BABAM2: variants seen among roughly 807,000 people sequenced by gnomAD.
BABAM2 encodes the protein BRISC and BRCA1 A complex member 2.
Under a neutral mutation model 54.7 loss-of-function variants are expected in BABAM2, and 31 were observed. That is an observed-to-expected ratio of 0.57 (90% CI 0.43 to 0.77). BABAM2 has a LOEUF of 0.77. Among genes scored for constraint, BABAM2 ranks in the 30% least tolerant of loss-of-function variants. The pLI, the probability that BABAM2 is intolerant of heterozygous loss-of-function variation, is 0.00. For missense variants in BABAM2, 364 were observed against 455.8 expected (o/e 0.80, Z 1.83); for synonymous variants, 167 against 162.9 (o/e 1.03, Z -0.19).
intron 7 of BABAM2, among the ~76,000 whole-genome samples, chr2:28,201,746 G>A (rs1429523151): frequency 1.3e-5 from 2 of 152,130 alleles, no homozygotes; most frequent in African/African-American, 2.4e-5. Context: ...ACAGCCTCTT[G>A]CCAGAGATTT....
intron 7 of BABAM2, 52 bp downstream of exon 7, chr2:28,129,432 T>A: frequency 7.0e-7 from 1 of 1,419,848 alleles, no homozygotes; most frequent in Non-Finnish European, 9.9e-7. Flanking sequence ...CTAACCAATA[T>A]GTCTCATTCT....
intron 8 of BABAM2, 133 bp from the exon 9 acceptor site, chr2:28,241,190 G>A (rs1682396475): frequency 2.5e-6 from 2 of 797,538 alleles, no homozygotes; most frequent in South Asian, 3.3e-5. Flanking sequence ...AGTCACAGTT[G>A]TTGAATGTAG....
At chr2:28,049,271 A>T (rs1233829753) in intron 6 of BABAM2, among the ~76,000 whole-genome samples, 2 of 152,236 alleles carry the variant, frequency 1.3e-5, no homozygotes, top group Non-Finnish European at 2.9e-5. Context: ...ATCCCACTGA[A>T]CTGGAGGGTT....
rs1669530572 is a variant in BABAM2 at position 27,949,290 on chromosome 2, T to G, written c.205+19382T>G. ...GCTTACGCCTGTAATCCCAGCACTT[T>G]GGGAGGCCGAGACAGGCGGATCACC... On this transcript the variant is annotated intron_variant, in intron 3 of 11. Coordinates refer to ENST00000379624, the MANE Select transcript of BABAM2 (RefSeq NM_199191.3). Among the ~76,000 whole-genome samples, 5 of 152,194 alleles carry G rather than the reference T, an allele frequency of 3.3e-5. No individual in the cohort carries two copies. In the South Asian group the frequency reaches 1.0e-3, roughly 32 times the overall value.
intron 11 of BABAM2, among the ~76,000 whole-genome samples, chr2:28,301,015 C>T (rs1264191027): frequency 6.6e-6 from 1 of 152,178 alleles, no homozygotes; most frequent in Non-Finnish European, 1.5e-5. Flanking sequence ...AAAGAACTGT[C>T]CTGCAGTATA....
chr2:28,039,105 A>G (rs540585711), intron 5 of BABAM2, among the ~76,000 whole-genome samples: 3 of 152,326 alleles, frequency 2.0e-5, no homozygotes, highest in African/African-American at 7.2e-5. Flanking sequence ...CCAAAAGGGC[A>G]GTGGTCCTGT....
chr2:28,009,306 G>A (rs1674218467), intron 4 of BABAM2, among the ~76,000 whole-genome samples: 1 of 152,152 alleles, frequency 6.6e-6, no homozygotes, highest in Admixed American at 6.6e-5. Context: ...AGCCAGTGTG[G>A]AAGCTAGGGT....
intron 2 of BABAM2, among the ~76,000 whole-genome samples, chr2:27,897,926 C>T (rs1665472892): frequency 6.6e-6 from 1 of 152,182 alleles, no homozygotes; most frequent in African/African-American, 2.4e-5. Context: ...GTTTCCCTCA[C>T]TGTAATTTTT....
At chr2:28,220,135 G>A (rs759563838) in intron 7 of BABAM2, among the ~76,000 whole-genome samples, 1 of 152,144 alleles carries the variant, frequency 6.6e-6, no homozygotes, top group African/African-American at 2.4e-5. Context: ...CGAACTGATT[G>A]TCGAAGCCCA....
At chr2:27,907,467 A>G (rs908213501) in intron 2 of BABAM2, among the ~76,000 whole-genome samples, 2 of 152,114 alleles carry the variant, frequency 1.3e-5, no homozygotes, top group Non-Finnish European at 2.9e-5. Context: ...TTTGTGATTC[A>G]GTAATTAACA....
intron 10 of BABAM2, among the ~76,000 whole-genome samples, chr2:28,274,141 A>G (rs1369092100): frequency 2.6e-5 from 4 of 152,104 alleles, no homozygotes; most frequent in Non-Finnish European, 5.9e-5. Flanking sequence ...GGCCTTCCCC[A>G]GTAGACAGGC....
intron 11 of BABAM2, among the ~76,000 whole-genome samples, chr2:28,321,581 T>G (rs1187014063): frequency 6.6e-6 from 1 of 152,180 alleles, no homozygotes; most frequent in Non-Finnish European, 1.5e-5. Flanking sequence ...GCGCAGGTTT[T>G]AGGAAAACAA....
chr2:28,257,898 C>T (rs1232307528), intron 10 of BABAM2, among the ~76,000 whole-genome samples: 2 of 151,310 alleles, frequency 1.3e-5, no homozygotes, highest in Admixed American at 6.6e-5. Flanking sequence ...GAAAAGAAGC[C>T]GGGCGTGGTG....
intron 7 of BABAM2, among the ~76,000 whole-genome samples, chr2:28,165,238 T>C (rs1360371003): frequency 6.6e-6 from 1 of 152,172 alleles, no homozygotes; most frequent in Non-Finnish European, 1.5e-5. Flanking sequence ...GTGAAGGGTG[T>C]AATTGGCTCT....
chr2:27,991,836 G>A (rs140983374), intron 4 of BABAM2, among the ~76,000 whole-genome samples: 24 of 152,250 alleles, frequency 1.6e-4, no homozygotes, highest in Admixed American at 2.6e-4. Flanking sequence ...TGTAACTACT[G>A]TTGTGTGGAT....
chr2:28,036,691 C>A (rs907531658), intron 5 of BABAM2, among the ~76,000 whole-genome samples: 1 of 152,128 alleles, frequency 6.6e-6, no homozygotes, highest in Non-Finnish European at 1.5e-5. Flanking sequence ...GAACTGAGGC[C>A]ATGCTATGTT....
intron 10 of BABAM2, among the ~76,000 whole-genome samples, chr2:28,254,728 A>ATTTTTTTTT: frequency 1.6e-5 from 2 of 122,402 alleles, no homozygotes; most frequent in Non-Finnish European, 3.4e-5. Flanking sequence ...TTTTTTTTCA[A>ATTTTTTTTT]TTTTTTTTTT....
chr2:28,193,318 G>C (rs1677139803), intron 7 of BABAM2, among the ~76,000 whole-genome samples: 1 of 152,144 alleles, frequency 6.6e-6, no homozygotes, highest in African/African-American at 2.4e-5. Flanking sequence ...TTGAGCCCTA[G>C]GTGGTAGGCA....
chr2:27,986,993 G>A (rs1173838922), intron 3 of BABAM2, among the ~76,000 whole-genome samples: 1 of 152,130 alleles, frequency 6.6e-6, no homozygotes, highest in Non-Finnish European at 1.5e-5. Context: ...ATCTAAATTT[G>A]CTAATGAGAC....
Sources: gnomAD v4.1 joint callset for allele counts (sites outside exome capture counted in the v4.1 genomes callset) on GRCh38, gnomAD v4.1.1 for gene constraint, MANE v1.5 for transcripts, NCBI Gene and HGNC (gene_info 2026-07-23, HGNC 2026-07-21) for gene names.